Variants in PLXDC2 observed in about 807,000 individuals in gnomAD.
PLXDC2 encodes plexin domain containing 2.
Under a neutral mutation model 68.9 loss-of-function variants are expected in PLXDC2, and 40 were observed. The observed-to-expected ratio is 0.58, with a 90% CI of 0.45 to 0.76. PLXDC2 has a LOEUF of 0.76. PLXDC2 is among the 30% of genes least tolerant of loss of function. PLXDC2 has a pLI of 0.00. For synonymous variants in PLXDC2, 243 were observed against 234.2 expected (o/e 1.04, Z -0.34); for missense variants, 644 against 661.9 (o/e 0.97, Z 0.30).
At chr10:20,219,892 T>A (rs1461392718) in intron 12 of PLXDC2, among the ~76,000 whole-genome samples, 1 of 152,140 alleles carries the variant, frequency 6.6e-6, no homozygotes, top group East Asian at 1.9e-4. Flanking sequence ...GATGATTTCT[T>A]GAGTAAGTCA....
intron 1 of PLXDC2, among the ~76,000 whole-genome samples, chr10:19,839,011 C>G (rs372310702): frequency 6.6e-6 from 1 of 151,864 alleles, no homozygotes; most frequent in African/African-American, 2.4e-5. Context: ...CATGGTGAAA[C>G]CCCGTCTGTA....
intron 1 of PLXDC2, among the ~76,000 whole-genome samples, chr10:19,968,640 G>C (rs149252559): frequency 9.2e-5 from 14 of 152,200 alleles, no homozygotes; most frequent in African/African-American, 3.1e-4. Flanking sequence ...TTGGTTTTGG[G>C]GCGGAGTGTC....
At position 20,281,049 on chromosome 10, in the gene PLXDC2, T is replaced by C. The variant is rs1836075739; in HGVS notation, c.*1230T>C. On this transcript the variant is annotated 3_prime_UTR_variant, in exon 14 of 14. Transcript: ENST00000377252. ...TTCCATAGAGTTGTAAAATAATCCT[T>C]AATATTAGAATATTTTTCTGTCACT... is the stretch of plus-strand genomic sequence containing the variant. The C allele has an allele frequency of 6.6e-6, 1 of 152,204 alleles. No homozygotes were observed. Among genetic ancestry groups the C allele is most frequent in the Admixed American group, 6.5e-5 (1 of 15,272 alleles). The allele number at this position is 152,204 out of a possible 1,614,324, so 9.4% of individuals were successfully genotyped here.
chr10:20,012,309 TA>T (rs143806063), intron 2 of PLXDC2, among the ~76,000 whole-genome samples: 50,287 of 65,132 alleles, frequency 0.77, 21,300 homozygotes, highest in South Asian at 0.87. Flanking sequence ...CTCTCTTTTT[TA>T]TTTTTTTTTT....
intron 1 of PLXDC2, among the ~76,000 whole-genome samples, chr10:19,908,483 G>A (rs1283986835): frequency 6.6e-6 from 1 of 152,120 alleles, no homozygotes; most frequent in East Asian, 1.9e-4. Flanking sequence ...GGATGGGGGT[G>A]GAAGTTAGGG....
intron 2 of PLXDC2, among the ~76,000 whole-genome samples, chr10:20,006,022 T>C (rs1333720290): frequency 6.6e-6 from 1 of 151,984 alleles, no homozygotes; most frequent in Non-Finnish European, 1.5e-5. Context: ...AAACGTCATC[T>C]CTACTAAAAA....
chr10:19,924,383 C>G (rs1000315243), intron 1 of PLXDC2, among the ~76,000 whole-genome samples: 8 of 152,162 alleles, frequency 5.3e-5, no homozygotes, highest in African/African-American at 9.7e-5. Flanking sequence ...ACAGCCCACT[C>G]TCCTTTATAT....
intron 1 of PLXDC2, among the ~76,000 whole-genome samples, chr10:19,947,707 C>CTTTTTT (rs34439585): frequency 3.3e-5 from 4 of 120,964 alleles, no homozygotes; most frequent in African/African-American, 9.0e-5. Flanking sequence ...TTCTTTCTTT[C>CTTTTTT]TTTTTTTTTT....
intron 13 of PLXDC2, among the ~76,000 whole-genome samples, chr10:20,261,960 A>G (rs1835813761): frequency 6.6e-6 from 1 of 152,238 alleles, no homozygotes; most frequent in African/African-American, 2.4e-5. Context: ...AGCATGGCCA[A>G]CTAGAAGCAG....
intron 13 of PLXDC2, among the ~76,000 whole-genome samples, chr10:20,258,683 G>A (rs1397822567): frequency 6.6e-6 from 1 of 152,098 alleles, no homozygotes; most frequent in African/African-American, 2.4e-5. Context: ...CATCCAAGAT[G>A]TGCAAATTTG....
chr10:20,046,797 A>G, intron 2 of PLXDC2, 72 bp from the exon 3 acceptor site: 1 of 1,444,592 alleles, frequency 6.9e-7, no homozygotes, highest in South Asian at 1.4e-5. Context: ...CTTGAGTTCA[A>G]TAGGATTTTT....
At chr10:20,037,881 A>G (rs1395364170) in intron 2 of PLXDC2, among the ~76,000 whole-genome samples, 2 of 152,192 alleles carry the variant, frequency 1.3e-5, no homozygotes, top group Non-Finnish European at 2.9e-5. Context: ...TGTGTTGTAC[A>G]GTATTCTGAC....
chr10:20,074,938 G>A (rs1206831436), intron 4 of PLXDC2, among the ~76,000 whole-genome samples: 3 of 152,104 alleles, frequency 2.0e-5, no homozygotes, highest in Non-Finnish European at 4.4e-5. Flanking sequence ...AGATACTAAA[G>A]AGATAGATGC....
At position 20,284,153 on chromosome 10, in the gene PLXDC2, T is replaced by C. The variant is rs1162990186; in HGVS notation, c.*4334T>C. On this transcript the variant is annotated 3_prime_UTR_variant, in exon 14 of 14. Transcript: ENST00000377252. Reference sequence around the variant, plus strand: ...ATCTGGTTCTAATTTCTTCCTCCTGTGAAATGTTCTTTTGGTTTGTATTTC... The same window carrying C: ...ATCTGGTTCTAATTTCTTCCTCCTGCGAAATGTTCTTTTGGTTTGTATTTC... The C allele has an allele frequency of 1.3e-5, 2 of 150,858 alleles. No individual in the cohort carries two copies. The highest frequency in any genetic ancestry group is 3.9e-4 in the East Asian group (2 of 5,166). The allele number at this position is 150,858 out of a possible 1,614,324, so 9.3% of individuals were successfully genotyped here.
At chr10:20,197,569 G>A (rs1834856550) in intron 9 of PLXDC2, among the ~76,000 whole-genome samples, 1 of 152,134 alleles carries the variant, frequency 6.6e-6, no homozygotes, top group Non-Finnish European at 1.5e-5. Flanking sequence ...TGTTGGCCAG[G>A]ATGGTCTTGA....
intron 9 of PLXDC2, among the ~76,000 whole-genome samples, chr10:20,196,699 G>A (rs1444979392): frequency 6.6e-6 from 1 of 152,182 alleles, no homozygotes; most frequent in Non-Finnish European, 1.5e-5. Flanking sequence ...AAGTTTTGCA[G>A]TTGTTAAATG....
intron 1 of PLXDC2, among the ~76,000 whole-genome samples, chr10:19,942,109 A>T (rs1321002448): frequency 6.6e-6 from 1 of 152,194 alleles, no homozygotes; most frequent in Non-Finnish European, 1.5e-5. Context: ...ATCTACAGTG[A>T]CTATTTTGTA....
intron 4 of PLXDC2, among the ~76,000 whole-genome samples, chr10:20,140,897 G>A (rs896628087): frequency 4.6e-5 from 7 of 151,002 alleles, no homozygotes; most frequent in Non-Finnish European, 1.0e-4. Context: ...TTAAGTCTTC[G>A]TGGTGGTGGT....
chr10:19,860,483 G>A (rs772530447), intron 1 of PLXDC2, among the ~76,000 whole-genome samples: 3 of 152,176 alleles, frequency 2.0e-5, no homozygotes, highest in Non-Finnish European at 4.4e-5. Context: ...GTATCTAAGT[G>A]TGCAATGTTC....
Sources: allele counts gnomAD v4.1 joint callset (sites outside exome capture counted in the v4.1 genomes callset), GRCh38; gene constraint gnomAD v4.1.1; transcripts MANE v1.5; gene names NCBI Gene and HGNC (gene_info 2026-07-23, HGNC 2026-07-21).